The following ZSCAN4 variants were observed in gnomAD, a reference collection of about 807,000 sequenced individuals.
The protein encoded by ZSCAN4 is zinc finger and SCAN domain containing 4.
Under a neutral mutation model 18.3 loss-of-function variants are expected in ZSCAN4, and 18 were observed. The observed-to-expected ratio is 0.98, with a 90% CI of 0.68 to 1.46. The LOEUF (loss-of-function observed/expected upper bound fraction) is 1.46, where lower values mean the gene tolerates loss of function less well. ZSCAN4 is among the 40% of genes most tolerant of loss of function. ZSCAN4 has a pLI of 0.00. For missense variants in ZSCAN4, 498 were observed against 511.4 expected (o/e 0.97, Z 0.25); for synonymous variants, 193 against 180.3 (o/e 1.07, Z -0.57).
chr19:57,673,296 G>A (rs1482442149), intron 2 of ZSCAN4, among the ~76,000 whole-genome samples: 1 of 151,902 alleles, frequency 6.6e-6, no homozygotes, highest in African/African-American at 2.4e-5. Context: ...CAAAGTGCTG[G>A]GATTACAGGC....
At chr19:57,674,949 A>C (rs1984131002) in intron 2 of ZSCAN4, among the ~76,000 whole-genome samples, 1 of 144,180 alleles carries the variant, frequency 6.9e-6, no homozygotes, top group Non-Finnish European at 1.5e-5. Context: ...AATATTTTTC[A>C]CATCAAGTTT....
chr19:57,658,146 T>G, the ZSCAN4 span, among the ~76,000 whole-genome samples: 1 of 152,174 alleles, frequency 6.6e-6, no homozygotes, highest in African/African-American at 2.4e-5. Flanking sequence ...CATTTATAAA[T>G]AGAATATTCC....
the ZSCAN4 span, among the ~76,000 whole-genome samples, chr19:57,660,987 A>G: frequency 1.3e-5 from 2 of 152,214 alleles, no homozygotes; most frequent in African/African-American, 4.8e-5. Flanking sequence ...CCACAGCAAC[A>G]GTGTTTGGAC....
chr19:57,671,387 T>C (rs1449233403), intron 2 of ZSCAN4, among the ~76,000 whole-genome samples: 1 of 151,568 alleles, frequency 6.6e-6, no homozygotes, highest in African/African-American at 2.4e-5. Context: ...GGAGTGCATG[T>C]CTCCAAGTGT....
At chr19:57,665,940 T>C (rs10417057), upstream of ZSCAN4, among the ~76,000 whole-genome samples, 52,533 of 151,920 alleles carry the variant, frequency 0.35, 9,405 homozygotes, top group Non-Finnish European at 0.39. Context: ...TTAAAATATC[T>C]TTGCGAGGCC....
chr19:57,676,615 G>A (rs908293816), intron 3 of ZSCAN4, 74 bp downstream of exon 3: 2 of 1,500,404 alleles, frequency 1.3e-6, no homozygotes, highest in Non-Finnish European at 1.8e-6. Context: ...AGTTAGAGTT[G>A]TCTGGAAGTT....
the ZSCAN4 span, among the ~76,000 whole-genome samples, chr19:57,651,851 C>T: frequency 1.2e-4 from 19 of 152,168 alleles, no homozygotes; most frequent in Admixed American, 1.2e-3. Context: ...AATTACTGGA[C>T]ATCATATCCA....
chr19:57,678,805 G>T, exon 5 of ZSCAN4: 4 of 1,614,118 alleles, frequency 2.5e-6, no homozygotes, highest in Non-Finnish European at 3.4e-6. Flanking sequence ...TGTCCCTTTT[G>T]TAAGACAAGC....
exon 5 of ZSCAN4, chr19:57,679,150 C>T: frequency 3.3e-6 from 1 of 302,286 alleles, no homozygotes; most frequent in Admixed American, 4.7e-5. Flanking sequence ...ATGAATGAAT[C>T]CATAATGTTG....
the ZSCAN4 span, among the ~76,000 whole-genome samples, chr19:57,658,880 C>A: frequency 1.3e-5 from 2 of 149,888 alleles, no homozygotes; most frequent in East Asian, 3.9e-4. Flanking sequence ...AAATTGCTCT[C>A]AAAAATACTC....
chr19:57,662,854 C>T, the ZSCAN4 span, among the ~76,000 whole-genome samples: 1 of 151,992 alleles, frequency 6.6e-6, no homozygotes. Flanking sequence ...GTCACTACAC[C>T]CAGCCTAAGA....
At chr19:57,658,655 G>A in the ZSCAN4 span, among the ~76,000 whole-genome samples, 4 of 151,798 alleles carry the variant, frequency 2.6e-5, no homozygotes, top group Admixed American at 2.0e-4. Flanking sequence ...CCAACATGGC[G>A]AAACCCCGTC....
At chr19:57,668,286 T>G (rs570251459), upstream of ZSCAN4, among the ~76,000 whole-genome samples, 5 of 152,108 alleles carry the variant, frequency 3.3e-5, no homozygotes, top group Admixed American at 2.6e-4. Context: ...AATGACATAG[T>G]TGGTGACAGG....
upstream of ZSCAN4, among the ~76,000 whole-genome samples, chr19:57,668,038 A>AT (rs1358389050): frequency 6.6e-6 from 1 of 151,954 alleles, no homozygotes; most frequent in East Asian, 1.9e-4. Context: ...AGTACTTGGG[A>AT]TTACAGGTGC....
At chr19:57,675,414 T>G (rs945600349) in intron 2 of ZSCAN4, among the ~76,000 whole-genome samples, 2 of 151,914 alleles carry the variant, frequency 1.3e-5, no homozygotes, top group African/African-American at 4.8e-5. Context: ...TCCCAAAGTG[T>G]TGGGATTACA....
chr19:57,676,481 C>T (rs1435378174), exon 3 of ZSCAN4: 2 of 1,613,958 alleles, frequency 1.2e-6, no homozygotes, highest in Non-Finnish European at 8.5e-7. Flanking sequence ...AATCAAGTGG[C>T]AAAAACTTGG....
the ZSCAN4 span, among the ~76,000 whole-genome samples, chr19:57,654,857 G>T: frequency 2.0e-5 from 3 of 152,102 alleles, no homozygotes; most frequent in Non-Finnish European, 4.4e-5. Flanking sequence ...CCCACAGGGG[G>T]GCTGGAATAG....
chr19:57,651,825 C>T, the ZSCAN4 span, among the ~76,000 whole-genome samples: 16 of 152,174 alleles, frequency 1.1e-4, no homozygotes, highest in Non-Finnish European at 8.8e-5. Context: ...TAGGAGGCTC[C>T]AGCAAGGATC....
At chr19:57,678,537 T>C (rs1421391437) in exon 5 of ZSCAN4, 2 of 1,614,144 alleles carry the variant, frequency 1.2e-6, no homozygotes. Flanking sequence ...CCAAAAATCA[T>C]ACAAATGTGA....
Sources: allele counts gnomAD v4.1 joint callset (sites outside exome capture counted in the v4.1 genomes callset), GRCh38; gene constraint gnomAD v4.1.1; transcripts MANE v1.5; gene names NCBI Gene and HGNC (gene_info 2026-07-23, HGNC 2026-07-21).